ADAM12: variants seen among roughly 807,000 people sequenced by gnomAD.
The protein encoded by ADAM12 is ADAM metallopeptidase domain 12.
ADAM12 carries 70 observed loss-of-function variants against 106.4 expected under a neutral mutation model. The observed-to-expected ratio is 0.66, with a 90% confidence interval of 0.54 to 0.80. The LOEUF is 0.80. ADAM12 is among the 30% of genes least tolerant of loss of function. ADAM12 has a pLI of 0.00. For missense variants in ADAM12, 1,010 were observed against 1,171.9 expected (o/e 0.86, Z 2.02); for synonymous variants, 420 against 433.5 (o/e 0.97, Z 0.39).
At chr10:126,017,491 T>A (rs769539308) in intron 22 of ADAM12, 152 bp from the exon 23 acceptor site, 2 of 673,428 alleles carry the variant, frequency 3.0e-6, no homozygotes, top group Non-Finnish European at 4.8e-6. Flanking sequence ...GGGAAACCTG[T>A]CTCCAAAGCC....
intron 5 of ADAM12, among the ~76,000 whole-genome samples, chr10:126,120,982 A>G (rs1219260215): frequency 1.5e-5 from 2 of 135,758 alleles, no homozygotes; most frequent in East Asian, 4.2e-4. Context: ...CATATGCAAT[A>G]TAGCATATAT....
chr10:126,093,900 C>T lies in ADAM12; in HGVS notation c.1145+85G>A. On this transcript the variant is annotated intron_variant, in intron 11 of 22. Coordinates refer to ENST00000448723, the MANE Select transcript of ADAM12 (RefSeq NM_001288973.2). ...TTCCCTGGGTGCTCTGACCAGAAAA[C>T]CAGAGACACTTTGACTCATCTGGTT... 4 of 1,560,870 alleles carry T rather than the reference C, an allele frequency of 2.6e-6. No individual in the cohort carries two copies. In the South Asian group the frequency reaches 4.8e-5, roughly 19 times the overall value.
rs1168019639 is a variant in ADAM12 at position 126,220,629 on chromosome 10, T to C, written c.260+58286A>G. 2.6e-5 allele frequency among the ~76,000 whole-genome samples: 4 copies of C among 152,366 alleles called. No individual in the cohort carries two copies. The East Asian group carries it at 7.7e-4, about 29-fold the overall frequency. Reference sequence around the variant, plus strand: ...AATTCAGGTTTCAATGGGCATCCCATATTTGCATTTGCTAGACATCGCAAT... The same window carrying C: ...AATTCAGGTTTCAATGGGCATCCCACATTTGCATTTGCTAGACATCGCAAT... On this transcript the variant is annotated intron_variant, in intron 3 of 22. Transcript: ENST00000448723.
chr10:126,049,743 A>C lies in ADAM12; in HGVS notation c.1610-74T>G. The C allele has an allele frequency of 7.6e-7, 1 of 1,321,928 alleles. No individual in the cohort carries two copies. Among genetic ancestry groups the C allele is most frequent in the Non-Finnish European group, 1.1e-6 (1 of 938,034 alleles). 81.9% of individuals were successfully genotyped at this position (1,321,928 alleles called of 1,614,324 possible). A position where few individuals can be genotyped will look rare whatever the true frequency, so the allele number is the denominator to read the frequency against. On this transcript the variant is annotated intron_variant, in intron 14 of 22. Transcript: ENST00000448723. The surrounding 1 kb of genome is among the most constrained non-coding windows in gnomAD (Gnocchi z 4.4). ...TTTTTTCATGGCTGTAGGCCTCTCA[A>C]ATGGTTACGGGGAGACGTGCTCAAA...
At chr10:126,062,683 G>A (rs1954782966) in intron 14 of ADAM12, among the ~76,000 whole-genome samples, 1 of 152,150 alleles carries the variant, frequency 6.6e-6, no homozygotes, top group Admixed American at 6.5e-5. Context: ...AGTTCCCTCT[G>A]ACCTCACTCT....
In ADAM12 at chr10:126,288,727, T is replaced by C. The variant is rs575912469; in HGVS notation, c.187-9739A>G. Among the ~76,000 whole-genome samples, 4 of 142,150 alleles carry C rather than the reference T, an allele frequency of 2.8e-5. No individual in the cohort carries two copies. The South Asian group carries it at 6.7e-4, about 24-fold the overall frequency. 93.3% of individuals were successfully genotyped at this position (142,150 alleles called of 152,430 possible). A position where few individuals can be genotyped will look rare whatever the true frequency, so the allele number is the denominator to read the frequency against. On this transcript the variant is annotated intron_variant, in intron 2 of 22. Coordinates refer to ENST00000448723, the MANE Select transcript of ADAM12 (RefSeq NM_001288973.2). ...GGACCGTGTGGTGACATAGTGGCCCTAGGGACAGGACCGTGTGGTGACATA... is the reference window on the plus strand; with the variant it reads ...GGACCGTGTGGTGACATAGTGGCCCCAGGGACAGGACCGTGTGGTGACATA...
intron 5 of ADAM12, among the ~76,000 whole-genome samples, chr10:126,120,359 G>C (rs1363053297): frequency 6.6e-6 from 1 of 152,190 alleles, no homozygotes; most frequent in Non-Finnish European, 1.5e-5. Context: ...TTCTTCTTAG[G>C]AGAAAGGGAG....
intron 4 of ADAM12, among the ~76,000 whole-genome samples, chr10:126,153,896 C>T (rs1956770759): frequency 6.6e-6 from 1 of 152,204 alleles, no homozygotes; most frequent in Non-Finnish European, 1.5e-5. Flanking sequence ...CAGGCCCAGA[C>T]TATTCCCAAC....
At chr10:126,346,199 C>T (rs1290863918) in intron 1 of ADAM12, among the ~76,000 whole-genome samples, 1 of 152,034 alleles carries the variant, frequency 6.6e-6, no homozygotes, top group Non-Finnish European at 1.5e-5. Context: ...TTGAATGTGT[C>T]CCAGAGATTC....
chr10:126,092,629 G>T (rs1034124665), intron 11 of ADAM12, among the ~76,000 whole-genome samples: 2 of 152,112 alleles, frequency 1.3e-5, no homozygotes, highest in Admixed American at 1.3e-4. Context: ...ACAGATCCTT[G>T]GTTTCTGTCA....
intron 4 of ADAM12, among the ~76,000 whole-genome samples, chr10:126,145,997 T>C (rs11244841): frequency 0.2 from 30,261 of 152,230 alleles, 3,428 homozygotes; most frequent in Non-Finnish European, 0.26. Flanking sequence ...AATCTTGTGA[T>C]ACAAATAGAA....
chr10:126,170,802 A>AT (rs1460534675), intron 3 of ADAM12, among the ~76,000 whole-genome samples: 2 of 152,228 alleles, frequency 1.3e-5, no homozygotes, highest in Non-Finnish European at 2.9e-5. Flanking sequence ...CATGCTGAAT[A>AT]TTTCTGTTTC....
chr10:126,236,109 C>G (rs537185957), intron 3 of ADAM12, among the ~76,000 whole-genome samples: 3 of 152,332 alleles, frequency 2.0e-5, no homozygotes, highest in African/African-American at 7.2e-5. Context: ...GGAGGAAGAA[C>G]ACATTTGCGA....
At chr10:126,370,650 T>C (rs1431232745) in intron 1 of ADAM12, among the ~76,000 whole-genome samples, 1 of 152,162 alleles carries the variant, frequency 6.6e-6, no homozygotes, top group African/African-American at 2.4e-5. Flanking sequence ...TCTCAGTGTC[T>C]TCCTAGGTTC....
In ADAM12 at chr10:126,043,047, C is replaced by G. The variant is rs780184067; in HGVS notation, c.2097G>C (p.Arg699=). The G allele has an allele frequency of 6.2e-7, 1 of 1,614,102 alleles. No individual in the cohort carries two copies. ...FGGSTDSGPI[R]QADNQGLTIG... is the part of the protein sequence containing the mutation. ...TGCAGGGGCTTCACTGACCTGCTTGCCGGATGGGGCCGCTGTCTGTGCTTC... is the reference window on the plus strand; with the variant it reads ...TGCAGGGGCTTCACTGACCTGCTTGGCGGATGGGGCCGCTGTCTGTGCTTC... Residue 699 remains arginine (R), a synonymous_variant, in exon 18 of 23, where the codon CGG becomes CGC. Transcript: ENST00000448723. The surrounding 1 kb of genome is among the most constrained non-coding windows in gnomAD (Gnocchi z 4.1).
chr10:126,379,639 C>A (rs1171268160), intron 1 of ADAM12, among the ~76,000 whole-genome samples: 1 of 152,022 alleles, frequency 6.6e-6, no homozygotes, highest in Non-Finnish European at 1.5e-5. Flanking sequence ...CACCTGTATA[C>A]CTATGTAACA....
At chr10:126,058,966 G>A (rs886421390) in intron 14 of ADAM12, among the ~76,000 whole-genome samples, 1 of 152,184 alleles carries the variant, frequency 6.6e-6, no homozygotes, top group South Asian at 2.1e-4. Context: ...TTACATCAAT[G>A]TAGAGCCTTT....
At chr10:126,054,451 G>A (rs1332332237) in intron 14 of ADAM12, among the ~76,000 whole-genome samples, 2 of 152,248 alleles carry the variant, frequency 1.3e-5, no homozygotes, top group Admixed American at 6.5e-5. Context: ...GAGAGTGACA[G>A]GTCAGTGGTT....
chr10:126,157,559 G>C (rs1674919), intron 3 of ADAM12, among the ~76,000 whole-genome samples: 2 of 152,088 alleles, frequency 1.3e-5, no homozygotes, highest in African/African-American at 4.8e-5. Context: ...GTTAGACCCC[G>C]ATGGCAGGTC....
Sources: gnomAD v4.1 joint callset for allele counts (sites outside exome capture counted in the v4.1 genomes callset) on GRCh38, gnomAD v4.1.1 for gene constraint, Gnocchi (gnomAD v3.1) non-coding constraint, MANE v1.5 for transcripts, NCBI Gene and HGNC (gene_info 2026-07-23, HGNC 2026-07-21) for gene names.